The following BST1 variants were observed in gnomAD, a reference collection of about 807,000 sequenced individuals.
BST1 encodes ADP-ribosyl cyclase/cyclic ADP-ribose hydrolase 2.
BST1 carries 49 observed loss-of-function variants against 40.6 expected under a neutral mutation model. The observed-to-expected ratio is 1.21, with a 90% CI of 0.96 to 1.53. BST1 has a LOEUF of 1.53. Ranked by LOEUF, BST1 falls within the 40% of genes most tolerant of loss-of-function variation. The pLI is 0.00. For missense variants in BST1, 423 were observed against 395.9 expected (o/e 1.07, Z -0.58); for synonymous variants, 157 against 159.3 (o/e 0.99, Z 0.11).
chr4:15,734,328 A>T (rs1455194829), downstream of BST1, among the ~76,000 whole-genome samples: 1 of 152,228 alleles, frequency 6.6e-6, no homozygotes, highest in Non-Finnish European at 1.5e-5. Context: ...TACATGAAAA[A>T]GAGTAAATTT....
chr4:15,723,285 C>T (rs755650263), intron 8 of BST1: 11 of 180,318 alleles, frequency 6.1e-5, no homozygotes, highest in African/African-American at 2.4e-4. Context: ...CTCGCTCTAT[C>T]GCCCAGGCTG....
downstream of BST1, among the ~76,000 whole-genome samples, chr4:15,740,849 T>G (rs1224956046): frequency 6.6e-6 from 1 of 152,056 alleles, no homozygotes. Flanking sequence ...TTTTAGGCCA[T>G]AGGCCAATGA....
rs755891376 is a variant in BST1, at chr4:15,731,741, G to A, written c.853G>A (p.Ala285Thr). 5 of 1,611,060 alleles carry A rather than the reference G, an allele frequency of 3.1e-6. No individual in the cohort carries two copies. The South Asian group carries it at 5.5e-5, about 18-fold the overall frequency. The change falls in exon 9 of 9, where the codon GCA becomes ACA. Residue 285 changes from alanine to threonine, a missense_variant and splice_region_variant. Ala to Thr is a moderately conservative substitution (Grantham distance 58). Coordinates refer to ENST00000265016, the MANE Select transcript of BST1 (RefSeq NM_004334.3). Reference sequence around the variant, plus strand: ...CTCTATTTCCTTGTTAATTTGCAGGGCAGCAGCCGCTACTCAAAGAAAAGC... The same window carrying A: ...CTCTATTTCCTTGTTAATTTGCAGGACAGCAGCCGCTACTCAAAGAAAAGC... ...STHPDCALKS[A>T]AAATQRKAPS...
chr4:15,723,115 C>T (rs75605547), intron 8 of BST1, among the ~76,000 whole-genome samples, 181 bp downstream of exon 8: 2,501 of 152,304 alleles, frequency 0.016, 59 homozygotes, highest in African/African-American at 0.055. Flanking sequence ...AAAGCAATCA[C>T]GCTACACATA....
At chr4:15,740,319 A>G (rs1446834565), downstream of BST1, among the ~76,000 whole-genome samples, 1 of 152,328 alleles carries the variant, frequency 6.6e-6, no homozygotes, top group South Asian at 2.1e-4. Context: ...GGGTTCCCAA[A>G]GTGCTAGGAT....
chr4:15,732,080 T>C lies in BST1; in HGVS notation c.*235T>C. On this transcript the variant is annotated 3_prime_UTR_variant, in exon 9 of 9. Coordinates refer to ENST00000265016, the MANE Select transcript of BST1 (RefSeq NM_004334.3). ...ATTAGAATTAAAGCAAGTTATTTTC[T>C]TATTTGTATAATGACACAAAGCATT... 1 of 1,224,994 alleles carries C rather than the reference T, an allele frequency of 8.2e-7. No individual in the cohort carries two copies. The highest frequency in any genetic ancestry group is 4.1e-5 in the Admixed American group (1 of 24,294). 75.9% of individuals were successfully genotyped at this position (1,224,994 alleles called of 1,614,324 possible).
downstream of BST1, among the ~76,000 whole-genome samples, chr4:15,741,651 C>A (rs902550415): frequency 3.9e-5 from 6 of 152,054 alleles, no homozygotes; most frequent in African/African-American, 1.4e-4. Flanking sequence ...TGAAAAAAAT[C>A]AAAAGAAGAA....
At chr4:15,752,204 T>G in the BST1 span, among the ~76,000 whole-genome samples, 301 of 152,196 alleles carry the variant, frequency 2.0e-3, 4 homozygotes, top group African/African-American at 6.9e-3. Flanking sequence ...CACATTCTAG[T>G]GGGTGGAGAT....
the BST1 span, among the ~76,000 whole-genome samples, chr4:15,774,061 T>C: frequency 6.6e-6 from 1 of 152,138 alleles, no homozygotes; most frequent in Non-Finnish European, 1.5e-5. Context: ...ATGGGGTAAT[T>C]AAAGTGAGCT....
chr4:15,713,300 C>T (rs1472726682), intron 4 of BST1, among the ~76,000 whole-genome samples: 2 of 150,998 alleles, frequency 1.3e-5, no homozygotes, highest in African/African-American at 4.9e-5. Flanking sequence ...ATTCTCCTGC[C>T]TCAGCCTCCC....
At chr4:15,741,634 A>G (rs1721746745), downstream of BST1, among the ~76,000 whole-genome samples, 1 of 152,112 alleles carries the variant, frequency 6.6e-6, no homozygotes, top group African/African-American at 2.4e-5. Context: ...TTCCATTTTT[A>G]AATGGTTGAA....
chr4:15,759,051 G>A, the BST1 span, among the ~76,000 whole-genome samples: 6 of 151,852 alleles, frequency 4.0e-5, 1 homozygote, highest in African/African-American at 1.5e-4. Flanking sequence ...ACACGTATCT[G>A]TGTGTCCTCA....
downstream of BST1, among the ~76,000 whole-genome samples, chr4:15,739,328 T>C (rs558994384): frequency 6.6e-6 from 1 of 152,374 alleles, no homozygotes; most frequent in Non-Finnish European, 1.5e-5. Context: ...AACGTATATG[T>C]ATTAAATCAC....
intron 8 of BST1, among the ~76,000 whole-genome samples, chr4:15,730,388 A>G (rs573936922): frequency 1.3e-5 from 2 of 152,346 alleles, no homozygotes; most frequent in African/African-American, 2.4e-5. Flanking sequence ...TGATGTCTTC[A>G]TGTCAGGACA....
chr4:15,735,494 G>GCT (rs1721523566), downstream of BST1, among the ~76,000 whole-genome samples: 1 of 152,158 alleles, frequency 6.6e-6, no homozygotes. Context: ...AACAAGGTGT[G>GCT]GCATGCTTTT....
At chr4:15,708,016 A>G (rs1363556769) in intron 3 of BST1, among the ~76,000 whole-genome samples, 1 of 152,086 alleles carries the variant, frequency 6.6e-6, no homozygotes, top group Non-Finnish European at 1.5e-5. Flanking sequence ...GAGGCACAGC[A>G]AGATTAAGAA....
intron 3 of BST1, among the ~76,000 whole-genome samples, chr4:15,709,447 G>T (rs1720065572): frequency 6.6e-6 from 1 of 152,186 alleles, no homozygotes; most frequent in East Asian, 1.9e-4. Flanking sequence ...GAGTGAGATG[G>T]GCAGCATTGC....
chr4:15,747,422 C>G, the BST1 span, among the ~76,000 whole-genome samples: 1 of 152,152 alleles, frequency 6.6e-6, no homozygotes, highest in Admixed American at 6.6e-5. Context: ...TACTAGGAAT[C>G]CCAGTCCCAT....
chr4:15,718,327 G>T (rs531677314), intron 6 of BST1, among the ~76,000 whole-genome samples: 5 of 152,006 alleles, frequency 3.3e-5, no homozygotes, highest in African/African-American at 1.2e-4. Flanking sequence ...AAACACATTG[G>T]ATAGCAGAGA....
Sources: allele counts gnomAD v4.1 joint callset (sites outside exome capture counted in the v4.1 genomes callset), GRCh38; gene constraint gnomAD v4.1.1; transcripts MANE v1.5; gene names NCBI Gene and HGNC (gene_info 2026-07-23, HGNC 2026-07-21).